Variants in ARSB observed in about 807,000 individuals in gnomAD.
ARSB encodes arylsulfatase B, also known as N-acetylgalactosamine-4-sulfatase.
A neutral mutation model predicts 50.9 loss-of-function variants in ARSB; 41 were observed. The observed-to-expected ratio is 0.81, with a 90% CI of 0.63 to 1.04. ARSB has a LOEUF of 1.04. Among genes scored for constraint, ARSB ranks in the 50% least tolerant of loss-of-function variants. The pLI, the probability that ARSB is intolerant of heterozygous loss-of-function variation, is 0.00. For missense variants in ARSB, 672 were observed against 693.3 expected (o/e 0.97, Z 0.35); for synonymous variants, 269 against 284.8 (o/e 0.94, Z 0.56).
intron 6 of ARSB, among the ~76,000 whole-genome samples, chr5:78,813,089 T>C (rs1196630600): frequency 6.6e-6 from 1 of 152,144 alleles, no homozygotes; most frequent in Admixed American, 6.5e-5. Flanking sequence ...TCTTTTTTTT[T>C]TCTCTTGCTC....
intron 5 of ARSB, among the ~76,000 whole-genome samples, chr5:78,865,845 T>C (rs1191058099): frequency 1.3e-5 from 2 of 152,204 alleles, no homozygotes; most frequent in Non-Finnish European, 2.9e-5. Context: ...TGTTAAAACA[T>C]AGCAAGAGTC....
intron 6 of ARSB, 22 bp from the exon 7 acceptor site, chr5:78,781,996 G>A (rs1002837181): frequency 1.2e-6 from 2 of 1,613,834 alleles, no homozygotes; most frequent in African/African-American, 2.7e-5. Flanking sequence ...TAGTTTGAAA[G>A]AATTAGATCA....
intron 3 of ARSB, among the ~76,000 whole-genome samples, chr5:78,958,712 T>C (rs1440671124): frequency 1.3e-5 from 2 of 151,694 alleles, no homozygotes; most frequent in Non-Finnish European, 2.9e-5. Context: ...TCTTCCTTAT[T>C]GTTCTTCTTC....
At chr5:78,951,836 A>T (rs551588172) in intron 4 of ARSB, among the ~76,000 whole-genome samples, 1 of 152,206 alleles carries the variant, frequency 6.6e-6, no homozygotes. Flanking sequence ...TCTATAAACT[A>T]TTCCAGAGCA....
intron 5 of ARSB, among the ~76,000 whole-genome samples, chr5:78,866,268 T>G (rs547121040): frequency 2.6e-5 from 4 of 152,278 alleles, no homozygotes; most frequent in South Asian, 4.1e-4. Context: ...ACGTTTTACA[T>G]GAATGGCAGC....
chr5:78,850,496 T>C (rs1245949186), intron 5 of ARSB, among the ~76,000 whole-genome samples: 1 of 151,880 alleles, frequency 6.6e-6, no homozygotes, highest in African/African-American at 2.4e-5. Context: ...TCAATGTTCA[T>C]CAAGGATATT....
intron 6 of ARSB, among the ~76,000 whole-genome samples, chr5:78,808,106 A>G (rs1405558034): frequency 6.6e-6 from 1 of 150,716 alleles, no homozygotes; most frequent in Admixed American, 6.6e-5. Flanking sequence ...AAAAAAAAAA[A>G]AAAAAAAAAA....
intron 6 of ARSB, among the ~76,000 whole-genome samples, chr5:78,793,552 C>T (rs1274631345): frequency 6.6e-6 from 1 of 152,114 alleles, no homozygotes; most frequent in African/African-American, 2.4e-5. Flanking sequence ...CCCAACTGCT[C>T]GGGAATCAGA....
At chr5:78,842,701 TG>T (rs1358026202) in intron 5 of ARSB, among the ~76,000 whole-genome samples, 1 of 152,044 alleles carries the variant, frequency 6.6e-6, no homozygotes, top group African/African-American at 2.4e-5. Context: ...AATAATCACA[TG>T]AAAGATCCCT....
intron 4 of ARSB, among the ~76,000 whole-genome samples, chr5:78,941,821 C>G (rs1750946313): frequency 6.6e-6 from 1 of 152,182 alleles, no homozygotes; most frequent in African/African-American, 2.4e-5. Flanking sequence ...AGGATTCCCT[C>G]TTTTTCTATT....
chr5:78,928,026 C>T (rs1005584259), intron 4 of ARSB, among the ~76,000 whole-genome samples: 4 of 152,178 alleles, frequency 2.6e-5, no homozygotes, highest in Non-Finnish European at 4.4e-5. Context: ...CCAGACTGTG[C>T]GCAGACAGAC....
chr5:78,934,153 T>A (rs1162422308), intron 4 of ARSB, among the ~76,000 whole-genome samples: 1 of 152,200 alleles, frequency 6.6e-6, no homozygotes, highest in African/African-American at 2.4e-5. Flanking sequence ...AATAGCCCAA[T>A]GCTTACTTTA....
chr5:78,826,551 G>T (rs1367050408), intron 6 of ARSB, among the ~76,000 whole-genome samples: 1 of 152,130 alleles, frequency 6.6e-6, no homozygotes, highest in South Asian at 2.1e-4. Flanking sequence ...CTGGGGGCAG[G>T]GGGTAGCTAC....
intron 1 of ARSB, among the ~76,000 whole-genome samples, chr5:78,976,460 C>T (rs372757301): frequency 1.1e-3 from 163 of 151,888 alleles, no homozygotes; most frequent in East Asian, 3.3e-3. Context: ...GGACTACAGG[C>T]GCTTACCACC....
At chr5:78,847,275 T>C (rs921105388) in intron 5 of ARSB, among the ~76,000 whole-genome samples, 3 of 152,050 alleles carry the variant, frequency 2.0e-5, no homozygotes, top group Admixed American at 1.3e-4. Context: ...TATAGGAGCA[T>C]GCCACCATGC....
At chr5:78,926,334 C>T (rs141125299) in intron 4 of ARSB, among the ~76,000 whole-genome samples, 91 of 152,298 alleles carry the variant, frequency 6.0e-4, no homozygotes, top group Non-Finnish European at 1.0e-3. Context: ...TTGCATTCTG[C>T]ATTGATGAAA....
intron 6 of ARSB, among the ~76,000 whole-genome samples, chr5:78,829,677 C>T (rs1438093004): frequency 2.0e-5 from 3 of 152,138 alleles, no homozygotes; most frequent in Non-Finnish European, 2.9e-5. Flanking sequence ...TTTTCAACAA[C>T]GTCCCAGAAA....
intron 6 of ARSB, among the ~76,000 whole-genome samples, chr5:78,807,910 G>A (rs12515765): frequency 0.065 from 9,781 of 151,180 alleles, 362 homozygotes; most frequent in East Asian, 0.1. Flanking sequence ...CGGCTAAAAC[G>A]GTGAAACCCC....
chr5:78,793,052 A>G (rs556722069), intron 6 of ARSB, among the ~76,000 whole-genome samples: 1 of 152,314 alleles, frequency 6.6e-6, no homozygotes, highest in Admixed American at 6.5e-5. Context: ...ACTGGAGCCT[A>G]CAGTCCCTTT....
Sources: gnomAD v4.1 joint callset for allele counts (sites outside exome capture counted in the v4.1 genomes callset) on GRCh38, gnomAD v4.1.1 for gene constraint, MANE v1.5 for transcripts, NCBI Gene and HGNC (gene_info 2026-07-23, HGNC 2026-07-21) for gene names.